IMMP2L: variants seen among roughly 807,000 people sequenced by gnomAD.
The protein encoded by IMMP2L is mitochondrial inner membrane protease subunit 2.
In IMMP2L, 18 loss-of-function variants were observed where a neutral mutation model predicts 19.3. The observed-to-expected ratio is 0.93, with a 90% CI of 0.64 to 1.38. IMMP2L has a LOEUF of 1.38. IMMP2L is among the 40% of genes most tolerant of loss of function. The pLI is 0.00. For synonymous variants in IMMP2L, 76 were observed against 73.0 expected (o/e 1.04, Z -0.21); for missense variants, 233 against 218.2 (o/e 1.07, Z -0.43).
intron 2 of IMMP2L, among the ~76,000 whole-genome samples, chr7:111,496,891 TAG>T (rs999837939): frequency 6.7e-6 from 1 of 148,696 alleles, no homozygotes; most frequent in Non-Finnish European, 1.5e-5. Context: ...CTCTCATAGA[TAG>T]ATACATAGAT....
intron 5 of IMMP2L, among the ~76,000 whole-genome samples, chr7:110,770,633 T>A (rs1045277950): frequency 6.6e-6 from 1 of 152,160 alleles, no homozygotes. Flanking sequence ...CAAACGTTCC[T>A]ATTGAGCAGA....
chr7:110,744,206 C>T (rs1482953102), intron 5 of IMMP2L, among the ~76,000 whole-genome samples: 1 of 152,170 alleles, frequency 6.6e-6, no homozygotes, highest in Non-Finnish European at 1.5e-5. Flanking sequence ...ACTGTCTCCT[C>T]TCTGAGCAGG....
chr7:111,392,120 G>A, intron 3 of IMMP2L: 1 of 626,866 alleles, frequency 1.6e-6, no homozygotes, highest in Non-Finnish European at 2.9e-6. Flanking sequence ...AGCGACCCAA[G>A]GAGGACCTCA....
intron 3 of IMMP2L, among the ~76,000 whole-genome samples, chr7:111,343,358 G>A (rs1207108761): frequency 6.6e-6 from 1 of 151,784 alleles, no homozygotes; most frequent in Non-Finnish European, 1.5e-5. Flanking sequence ...TCAACTACAG[G>A]GATCCAACTT....
rs1160790259 is a variant in IMMP2L, at chr7:110,780,105, G to T, written c.408+106488C>A. On this transcript the variant is annotated intron_variant, in intron 5 of 5. Coordinates refer to ENST00000405709, the MANE Select transcript of IMMP2L (RefSeq NM_032549.4). ...CTTTGACACATGAGTTATTTATGTG[G>T]CTCGCTTAGGTAAGAATCTCTTGAG... Among the ~76,000 whole-genome samples the T allele has an allele frequency of 2.0e-5, 3 of 151,174 alleles. No homozygotes were observed. The South Asian group carries it at 6.3e-4, about 32-fold the overall frequency.
intron 3 of IMMP2L, among the ~76,000 whole-genome samples, chr7:111,327,084 C>A (rs1334021108): frequency 1.3e-5 from 2 of 151,676 alleles, no homozygotes; most frequent in Non-Finnish European, 2.9e-5. Flanking sequence ...GGGAATCCTG[C>A]CAGCATAGAT....
chr7:110,776,451 C>T (rs531421403), intron 5 of IMMP2L, among the ~76,000 whole-genome samples: 8 of 151,912 alleles, frequency 5.3e-5, no homozygotes, highest in Non-Finnish European at 1.2e-4. Context: ...CTGTGTGGCC[C>T]CCTTAACTGA....
chr7:110,945,171 C>T (rs1817126176), intron 4 of IMMP2L, among the ~76,000 whole-genome samples: 1 of 151,936 alleles, frequency 6.6e-6, no homozygotes, highest in Non-Finnish European at 1.5e-5. Flanking sequence ...TGGAGGGATA[C>T]TCCGAGGCCA....
At chr7:111,326,326 C>T (rs576733585) in intron 3 of IMMP2L, among the ~76,000 whole-genome samples, 2 of 151,678 alleles carry the variant, frequency 1.3e-5, no homozygotes, top group Middle Eastern at 3.4e-3. Context: ...CTCAAAACTA[C>T]AAAAAAGTTT....
chr7:111,312,038 T>C (rs1823579187), intron 3 of IMMP2L, among the ~76,000 whole-genome samples: 1 of 152,142 alleles, frequency 6.6e-6, no homozygotes, highest in South Asian at 2.1e-4. Flanking sequence ...TTTCTCAATA[T>C]TTCCATGAGG....
intron 5 of IMMP2L, among the ~76,000 whole-genome samples, chr7:110,826,508 T>TA (rs1236624881): frequency 6.6e-6 from 1 of 152,180 alleles, no homozygotes; most frequent in East Asian, 1.9e-4. Flanking sequence ...TATGCAGCCA[T>TA]AAAAAAGGAT....
intron 5 of IMMP2L, among the ~76,000 whole-genome samples, chr7:110,681,983 A>G (rs999931854): frequency 1.3e-5 from 2 of 152,206 alleles, no homozygotes; most frequent in African/African-American, 4.8e-5. Flanking sequence ...ATAATCATGC[A>G]TAGGAAAAGA....
intron 3 of IMMP2L, among the ~76,000 whole-genome samples, chr7:111,416,395 T>C (rs1170903839): frequency 6.6e-6 from 1 of 151,902 alleles, no homozygotes; most frequent in Non-Finnish European, 1.5e-5. Context: ...GGAATTACTG[T>C]CAAATGCCAT....
chr7:111,010,126 T>TA lies in IMMP2L; in HGVS notation c.240-46562dup, dbSNP rs573296039. Among the ~76,000 whole-genome samples the TA allele has an allele frequency of 1.0e-3, 157 of 152,260 alleles. 1 individual carries two copies. Among genetic ancestry groups the TA allele is most frequent in the African/African-American group, 3.6e-3 (148 of 41,566 alleles). On this transcript the variant is annotated intron_variant, in intron 3 of 5. Transcript: ENST00000405709. ...TTTCCCATAGATTTTACAGGCAAAG[T>TA]AAAAAGTAAAGAGAAACCTAGAGCA...
intron 3 of IMMP2L, among the ~76,000 whole-genome samples, chr7:111,036,896 G>A (rs1791410211): frequency 2.6e-5 from 4 of 152,088 alleles, no homozygotes; most frequent in Non-Finnish European, 5.9e-5. Flanking sequence ...AAATCACCAT[G>A]TGGGTTTTGC....
At chr7:111,300,769 T>C (rs1465461846) in intron 3 of IMMP2L, among the ~76,000 whole-genome samples, 1 of 152,122 alleles carries the variant, frequency 6.6e-6, no homozygotes, top group Non-Finnish European at 1.5e-5. Context: ...CCAGATTATT[T>C]CATGTATCAT....
In IMMP2L at chr7:110,793,800, T is replaced by A. The variant is rs375255268; in HGVS notation, c.408+92793A>T. ...AGATGGATATGTTAATTAGTTATCA[T>A]TCACTGTGTATATGCATATCAAAAC... On this transcript the variant is annotated intron_variant, in intron 5 of 5. Transcript: ENST00000405709. 2.5e-4 allele frequency among the ~76,000 whole-genome samples: 38 copies of A among 152,212 alleles called. No individual in the cohort carries two copies. In the East Asian group the frequency reaches 4.1e-3, roughly 16 times the overall value.
chr7:111,056,460 C>A (rs907019467), intron 3 of IMMP2L, among the ~76,000 whole-genome samples: 2 of 152,220 alleles, frequency 1.3e-5, no homozygotes, highest in Admixed American at 1.3e-4. Context: ...GATATATCAA[C>A]ATCATCAACA....
chr7:110,832,687 A>G (rs1185703115), intron 5 of IMMP2L, among the ~76,000 whole-genome samples: 1 of 152,190 alleles, frequency 6.6e-6, no homozygotes, highest in Non-Finnish European at 1.5e-5. Flanking sequence ...TGATAATAAT[A>G]AAAAGTTTCT....
Sources: gnomAD v4.1 joint callset for allele counts (sites outside exome capture counted in the v4.1 genomes callset) on GRCh38, gnomAD v4.1.1 for gene constraint, MANE v1.5 for transcripts, NCBI Gene and HGNC (gene_info 2026-07-23, HGNC 2026-07-21) for gene names.